The following RPTOR variants were observed in gnomAD, a reference collection of about 807,000 sequenced individuals.
RPTOR encodes the protein regulatory-associated protein of mTOR.
A neutral mutation model predicts 169.9 loss-of-function variants in RPTOR; 21 were observed. The observed-to-expected ratio is 0.12, with a 90% CI of 0.09 to 0.18. The LOEUF (loss-of-function observed/expected upper bound fraction) is 0.18, where lower values mean the gene tolerates loss of function less well. Among genes scored for constraint, RPTOR ranks in the 10% least tolerant of loss-of-function variants. RPTOR has a pLI of 1.00. For synonymous variants in RPTOR, 732 were observed against 753.2 expected (o/e 0.97, Z 0.46); for missense variants, 1,133 against 1,855.9 (o/e 0.61, Z 7.16).
chr17:80,815,420 C>A (rs1043131733), intron 7 of RPTOR, among the ~76,000 whole-genome samples: 1 of 152,254 alleles, frequency 6.6e-6, no homozygotes, highest in African/African-American at 2.4e-5. Flanking sequence ...GAACACTGGC[C>A]CAGTCCCTGT....
intron 1 of RPTOR, among the ~76,000 whole-genome samples, chr17:80,575,561 T>TGTGTGCACACGTGTGCATACATGC (rs2064955251): frequency 1.3e-5 from 2 of 152,220 alleles, no homozygotes; most frequent in Admixed American, 6.5e-5. Flanking sequence ...GTTGCACCGC[T>TGTGTGCACACGTGTGCATACATGC]GTGTGCACAC....
rs1456929444 is a variant in RPTOR at position 80,845,814 on chromosome 17, G to A, written c.1213-659G>A. Among the ~76,000 whole-genome samples the A allele has an allele frequency of 1.3e-5, 2 of 152,180 alleles. No individual in the cohort carries two copies. Among genetic ancestry groups the A allele is most frequent in the African/African-American group, 2.4e-5 (1 of 41,438 alleles). ...CTGCGCTTTTGCCCAACTCCAGAGCGTTCTTGCTGCTGATCCGGGGCCCAG... is the reference window on the plus strand; with the variant it reads ...CTGCGCTTTTGCCCAACTCCAGAGCATTCTTGCTGCTGATCCGGGGCCCAG... On this transcript the variant is annotated intron_variant, in intron 10 of 33. Transcript: ENST00000306801. This position sits in a 1 kb window ranked among gnomAD's most constrained non-coding sequence, Gnocchi z 5.4.
chr17:80,869,150 G>T (rs991315087), intron 13 of RPTOR, among the ~76,000 whole-genome samples: 1 of 152,090 alleles, frequency 6.6e-6, no homozygotes, highest in Admixed American at 6.5e-5. Flanking sequence ...TTCCCTTCTA[G>T]ATTTTATTTT....
At chr17:80,858,851 G>A (rs545258605) in intron 13 of RPTOR, among the ~76,000 whole-genome samples, 15 of 152,180 alleles carry the variant, frequency 9.9e-5, no homozygotes, top group African/African-American at 1.4e-4. Flanking sequence ...CACGGTTCCC[G>A]GTAGACACAG....
At chr17:80,557,450 G>T (rs2084423783) in intron 1 of RPTOR, among the ~76,000 whole-genome samples, 1 of 151,894 alleles carries the variant, frequency 6.6e-6, no homozygotes, top group Admixed American at 6.6e-5. Context: ...CCGGGAGGTG[G>T]AGGTTTCAGT....
At chr17:80,956,297 A>G (rs997068491) in intron 28 of RPTOR, among the ~76,000 whole-genome samples, 1 of 152,150 alleles carries the variant, frequency 6.6e-6, no homozygotes, top group African/African-American at 2.4e-5. Flanking sequence ...AAGGATTACT[A>G]TGGTGTTCCT....
intron 5 of RPTOR, among the ~76,000 whole-genome samples, chr17:80,742,693 ACACATAGACAC>A (rs1189142302): frequency 1.6e-4 from 5 of 30,736 alleles, no homozygotes; most frequent in Non-Finnish European, 4.0e-4. Context: ...ACACAGAGAC[ACACATAGACAC>A]CATAGACACA....
chr17:80,609,773 TTGTGTG>T lies in RPTOR; in HGVS notation c.163-15888_163-15883del, dbSNP rs35843489. Among the ~76,000 whole-genome samples, 414 of 143,286 alleles carry T rather than the reference TTGTGTG, an allele frequency of 2.9e-3. 2 individuals carry two copies. The highest frequency in any genetic ancestry group is 0.021 in the Middle Eastern group (6 of 288). The allele number at this position is 143,286 out of a possible 152,430, so 94.0% of individuals were successfully genotyped here. A position where few individuals can be genotyped will look rare whatever the true frequency, so the allele number is the denominator to read the frequency against. On this transcript the variant is annotated intron_variant, in intron 1 of 33. Transcript: ENST00000306801. This position sits in a 1 kb window ranked among gnomAD's most constrained non-coding sequence, Gnocchi z 4.8. ...AAAAAAAAAAAGTTTAAGGTGTTGG[TTGTGTG>T]TGTGTGTGTGTGTGTGTGTGTGTGT...
chr17:80,785,143 CCTT>C (rs1341537489), intron 6 of RPTOR, among the ~76,000 whole-genome samples: 1 of 152,174 alleles, frequency 6.6e-6, no homozygotes, highest in Non-Finnish European at 1.5e-5. Context: ...TTCAGTGACA[CCTT>C]CATCAGTGTA....
chr17:80,893,492 C>T (rs566382387), intron 19 of RPTOR, among the ~76,000 whole-genome samples: 10 of 124,658 alleles, frequency 8.0e-5, no homozygotes, highest in East Asian at 4.8e-4. Context: ...AGGGTGTGTG[C>T]GCCAGGGTGT....
intron 1 of RPTOR, among the ~76,000 whole-genome samples, chr17:80,617,752 C>G (rs960437699): frequency 7.9e-5 from 12 of 152,134 alleles, no homozygotes; most frequent in Non-Finnish European, 1.8e-4. Context: ...GACTAAAGAA[C>G]AGCAAAGAAA....
At chr17:80,759,239 C>T (rs1220807602) in intron 6 of RPTOR, among the ~76,000 whole-genome samples, 4 of 152,092 alleles carry the variant, frequency 2.6e-5, no homozygotes, top group Admixed American at 2.0e-4. Context: ...GGCTGCTGGC[C>T]TCGTTATTTC....
At chr17:80,918,723 G>T (rs1321150473) in intron 21 of RPTOR, among the ~76,000 whole-genome samples, 1 of 152,138 alleles carries the variant, frequency 6.6e-6, no homozygotes, top group East Asian at 1.9e-4. Context: ...TGGGATCATT[G>T]TATGACTCCC....
intron 1 of RPTOR, among the ~76,000 whole-genome samples, chr17:80,571,273 TTTTG>T (rs2064903244): frequency 6.6e-6 from 1 of 152,226 alleles, no homozygotes; most frequent in African/African-American, 2.4e-5. Flanking sequence ...CATTTAGCTA[TTTTG>T]TTTAAGAAGG....
chr17:80,797,728 T>G (rs1219811136), intron 7 of RPTOR, among the ~76,000 whole-genome samples: 2 of 152,248 alleles, frequency 1.3e-5, no homozygotes, highest in Non-Finnish European at 2.9e-5. Flanking sequence ...CTCGTTATTT[T>G]TATACTTTAT....
chr17:80,547,745 A>G (rs1035539159), intron 1 of RPTOR, among the ~76,000 whole-genome samples: 1 of 152,194 alleles, frequency 6.6e-6, no homozygotes, highest in East Asian at 1.9e-4. Context: ...TGCAAACTCA[A>G]ATGATATTGA....
intron 6 of RPTOR, among the ~76,000 whole-genome samples, chr17:80,766,588 G>T (rs1598290758): frequency 6.6e-6 from 1 of 152,294 alleles, no homozygotes; most frequent in African/African-American, 2.4e-5. Context: ...TACCTGTTTA[G>T]TTGGCAGTTC....
chr17:80,836,680 G>T (rs544712424), intron 9 of RPTOR, among the ~76,000 whole-genome samples: 3 of 152,306 alleles, frequency 2.0e-5, no homozygotes, highest in Non-Finnish European at 4.4e-5. Flanking sequence ...GAGCCTCCGA[G>T]AAAGCTCACA....
At chr17:80,904,759 CA>C (rs1379746410) in intron 20 of RPTOR, among the ~76,000 whole-genome samples, 2 of 152,196 alleles carry the variant, frequency 1.3e-5, no homozygotes, top group East Asian at 3.9e-4. Flanking sequence ...GCAGATTTTA[CA>C]ACAGGACAGT....
Sources: allele counts gnomAD v4.1 joint callset (sites outside exome capture counted in the v4.1 genomes callset), GRCh38; gene constraint gnomAD v4.1.1; non-coding constraint Gnocchi (gnomAD v3.1); transcripts MANE v1.5; gene names NCBI Gene and HGNC (gene_info 2026-07-23, HGNC 2026-07-21).